STAG1: variants seen among roughly 807,000 people sequenced by gnomAD.
STAG1 encodes the protein cohesin subunit SA-1.
STAG1 carries 26 observed loss-of-function variants against 170.9 expected under a neutral mutation model. The observed-to-expected ratio is 0.15, with a 90% CI of 0.11 to 0.21. The LOEUF (loss-of-function observed/expected upper bound fraction) is 0.21, where lower values mean the gene tolerates loss of function less well. STAG1 is among the 10% of genes least tolerant of loss of function. The pLI is 1.00. For synonymous variants in STAG1, 514 were observed against 497.7 expected, an observed-to-expected ratio of 1.03 and a Z score of -0.44; for missense variants, 964 against 1,509.5, an observed-to-expected ratio of 0.64 and a Z score of 5.99.
intron 15 of STAG1, among the ~76,000 whole-genome samples, chr3:136,442,791 G>C (rs2088669640): frequency 6.6e-6 from 1 of 152,076 alleles, no homozygotes; most frequent in South Asian, 2.1e-4. Flanking sequence ...TGTAATCCTA[G>C]CACTTTGGAG....
chr3:136,553,839 A>C (rs1430929760), intron 5 of STAG1, among the ~76,000 whole-genome samples: 1 of 152,196 alleles, frequency 6.6e-6, no homozygotes, highest in Non-Finnish European at 1.5e-5. Flanking sequence ...TAATTTAAAG[A>C]CCAGAAAGAA....
At chr3:136,393,326 A>G (rs750124766) in intron 22 of STAG1, among the ~76,000 whole-genome samples, 21 of 152,104 alleles carry the variant, frequency 1.4e-4, no homozygotes, top group Non-Finnish European at 2.9e-4. Flanking sequence ...GGCATTACAA[A>G]CTGAGCCAAC....
At chr3:136,550,028 T>C (rs796558346) in intron 5 of STAG1, among the ~76,000 whole-genome samples, 13 of 152,292 alleles carry the variant, frequency 8.5e-5, no homozygotes, top group African/African-American at 3.1e-4. Context: ...TGCTAGTCTT[T>C]TGTTTAGGAC....
intron 5 of STAG1, among the ~76,000 whole-genome samples, chr3:136,543,610 T>C (rs1936009252): frequency 6.6e-6 from 1 of 152,178 alleles, no homozygotes; most frequent in Admixed American, 6.5e-5. Context: ...ATAGTAGGGT[T>C]TCTCAGCTCC....
At chr3:136,432,251 TG>T (rs1229562038) in intron 16 of STAG1, among the ~76,000 whole-genome samples, 1 of 152,196 alleles carries the variant, frequency 6.6e-6, no homozygotes, top group East Asian at 1.9e-4. Flanking sequence ...AAATTCCATT[TG>T]GGTTTTCATT....
At chr3:136,457,008 G>T (rs1266679812) in intron 13 of STAG1, among the ~76,000 whole-genome samples, 1 of 152,158 alleles carries the variant, frequency 6.6e-6, no homozygotes, top group Non-Finnish European at 1.5e-5. Flanking sequence ...AATGCCAAAA[G>T]GAGTTCTTCA....
chr3:136,338,294 A>AAAC lies in STAG1; in HGVS notation c.3754-20_3754-18dup. 6.2e-7 allele frequency: 1 copy of AAAC among 1,601,800 alleles called. No individual in the cohort carries two copies. Among genetic ancestry groups the AAAC allele is most frequent in the Non-Finnish European group, 8.5e-7 (1 of 1,169,842 alleles). On this transcript the variant is annotated splice_polypyrimidine_tract_variant and intron_variant, in intron 33 of 33. Coordinates refer to ENST00000383202, the MANE Select transcript of STAG1 (RefSeq NM_005862.3). ...TCCAAATCCCTAGAAAAATGATGAG[A>AAAC]AACATAATTATTAATTTCATGCATA...
chr3:136,588,006 T>C (rs189882276), intron 4 of STAG1, among the ~76,000 whole-genome samples: 2 of 152,164 alleles, frequency 1.3e-5, no homozygotes, highest in Admixed American at 6.5e-5. Context: ...TAACACAATA[T>C]TAGGTCAAAG....
chr3:136,530,553 A>G (rs568815005), intron 6 of STAG1, among the ~76,000 whole-genome samples: 7 of 152,278 alleles, frequency 4.6e-5, no homozygotes, highest in African/African-American at 1.7e-4. Flanking sequence ...AAAAATCAAA[A>G]TCATATGAAA....
intron 3 of STAG1, among the ~76,000 whole-genome samples, chr3:136,605,707 A>G (rs559593279): frequency 1.3e-4 from 20 of 152,322 alleles, no homozygotes; most frequent in African/African-American, 2.9e-4. Flanking sequence ...CTCCAATGAG[A>G]TAAGTGTCTC....
In STAG1 at chr3:136,538,427, TC is replaced by T. The variant is rs1323437862; in HGVS notation, c.471+3691del. On this transcript the variant is annotated intron_variant, in intron 6 of 33. Transcript: ENST00000383202. The stretch of plus-strand genomic sequence containing the variant: ...CCATATAGTTACTTTTTTTTTTTTT[TC>T]TTTTTTGAGAGAGAGCATCTCACTC... 4.7e-4 allele frequency among the ~76,000 whole-genome samples: 70 copies of T among 149,160 alleles called. 4 individuals carry two copies. Among genetic ancestry groups the T allele is most frequent in the Middle Eastern group, 3.5e-3 (1 of 286 alleles).
chr3:136,742,523 G>A (rs1035983387), intron 1 of STAG1, among the ~76,000 whole-genome samples: 2 of 152,034 alleles, frequency 1.3e-5, no homozygotes, highest in African/African-American at 4.8e-5. Context: ...GACTAGCCTA[G>A]CTAACATGGC....
intron 1 of STAG1, among the ~76,000 whole-genome samples, chr3:136,667,365 T>G (rs927959450): frequency 6.6e-6 from 1 of 151,824 alleles, no homozygotes; most frequent in Non-Finnish European, 1.5e-5. Context: ...CTAGACAACA[T>G]AGCAAAACCC....
chr3:136,447,244 G>T (rs1576473945), intron 14 of STAG1, among the ~76,000 whole-genome samples: 1 of 151,852 alleles, frequency 6.6e-6, no homozygotes. Context: ...CAGCACTTTG[G>T]GGGGCCAAGG....
chr3:136,404,908 C>T (rs959949818), intron 21 of STAG1, among the ~76,000 whole-genome samples: 1 of 149,580 alleles, frequency 6.7e-6, no homozygotes, highest in Non-Finnish European at 1.5e-5. Flanking sequence ...TGCATATTAC[C>T]CACACCTATA....
intron 22 of STAG1, among the ~76,000 whole-genome samples, chr3:136,390,544 C>T (rs1363835497): frequency 6.6e-6 from 1 of 152,018 alleles, no homozygotes; most frequent in Non-Finnish European, 1.5e-5. Context: ...CATGGAACGA[C>T]CGAAAGGAAA....
At chr3:136,475,881 A>C (rs2089736529) in intron 10 of STAG1, among the ~76,000 whole-genome samples, 1 of 152,144 alleles carries the variant, frequency 6.6e-6, no homozygotes, top group Admixed American at 6.6e-5. Context: ...GCCTCTTTGG[A>C]AACATTTATT....
chr3:136,579,584 C>T (rs1476501433), intron 4 of STAG1, among the ~76,000 whole-genome samples: 2 of 152,324 alleles, frequency 1.3e-5, no homozygotes, highest in East Asian at 3.9e-4. Context: ...CAAGAAGCTG[C>T]CCACAGTTAC....
chr3:136,660,156 G>GA (rs1482741566), intron 1 of STAG1, among the ~76,000 whole-genome samples: 1 of 152,154 alleles, frequency 6.6e-6, no homozygotes, highest in Non-Finnish European at 1.5e-5. Flanking sequence ...CTATTTTCAG[G>GA]AAAAATCATT....
Sources: gnomAD v4.1 joint callset for allele counts (sites outside exome capture counted in the v4.1 genomes callset) on GRCh38, gnomAD v4.1.1 for gene constraint, MANE v1.5 for transcripts, NCBI Gene and HGNC (gene_info 2026-07-23, HGNC 2026-07-21) for gene names.